Variants in CNOT6 observed in about 807,000 individuals in gnomAD.
CNOT6 encodes carbon catabolite repression 4 protein.
CNOT6 carries 12 observed loss-of-function variants against 61.2 expected under a neutral mutation model. The observed-to-expected ratio is 0.20, with a 90% CI of 0.13 to 0.32. The LOEUF is 0.32. Ranked by LOEUF, CNOT6 falls within the 10% of genes least tolerant of loss-of-function variation. CNOT6 has a pLI of 1.00. For synonymous variants in CNOT6, 225 were observed against 240.6 expected, an observed-to-expected ratio of 0.94 and a Z score of 0.60; for missense variants, 405 against 663.9, an observed-to-expected ratio of 0.61 and a Z score of 4.28.
chr5:180,503,601 CTTTTT>C (rs56187510), intron 1 of CNOT6, among the ~76,000 whole-genome samples: 3 of 66,136 alleles, frequency 4.5e-5, no homozygotes, highest in African/African-American at 1.9e-4. Flanking sequence ...GCCCTACTTC[CTTTTT>C]TTTTTTTTTT....
At position 180,503,351 on chromosome 5, in the gene CNOT6, C is replaced by T. The variant is rs1051895114; in HGVS notation, c.-3+8588C>T. Among the ~76,000 whole-genome samples, 11 of 151,076 alleles carry T rather than the reference C, an allele frequency of 7.3e-5. No individual in the cohort carries two copies. In the South Asian group the frequency reaches 1.5e-3, roughly 20 times the overall value. On this transcript the variant is annotated intron_variant, in intron 1 of 11. Coordinates refer to ENST00000261951, the MANE Select transcript of CNOT6 (RefSeq NM_001370472.1). ...CAATCTCGGCTCACTGCAACCTCTG[C>T]CTCCTGGGTTCAAGCGATTCTCCAG...
chr5:180,569,429 C>A, intron 10 of CNOT6, 89 bp downstream of exon 10: 2 of 1,102,018 alleles, frequency 1.8e-6, no homozygotes, highest in South Asian at 1.5e-5. Flanking sequence ...AAATTAAGTC[C>A]AAATAAAAAT....
In CNOT6 at chr5:180,577,080, C is replaced by T. The variant is rs1198394233; in HGVS notation, c.*2880C>T. On this transcript the variant is annotated 3_prime_UTR_variant, in exon 12 of 12. Transcript: ENST00000261951. ...TATTGTTCGTCAAGTTAACTTATGG[C>T]ATAATTTAAGCTAAAGTTGTAGAAA... 1 of 152,082 alleles carries T rather than the reference C, an allele frequency of 6.6e-6. No homozygotes were observed. The highest frequency in any genetic ancestry group is 1.5e-5 in the Non-Finnish European group (1 of 67,974). The allele number at this position is 152,082 out of a possible 1,614,324, so 9.4% of individuals were successfully genotyped here. A position where few individuals can be genotyped will look rare whatever the true frequency, so the allele number is the denominator to read the frequency against.
intron 2 of CNOT6, among the ~76,000 whole-genome samples, chr5:180,539,950 A>G (rs895610773): frequency 1.3e-5 from 2 of 152,158 alleles, no homozygotes; most frequent in African/African-American, 4.8e-5. Flanking sequence ...GGGTAGTTGT[A>G]CTAATGTCTG....
chr5:180,529,715 G>T (rs971890253), intron 2 of CNOT6, among the ~76,000 whole-genome samples: 2 of 152,146 alleles, frequency 1.3e-5, no homozygotes, highest in African/African-American at 4.8e-5. Flanking sequence ...ATTTGTTCTG[G>T]TATTTGATTC....
At chr5:180,544,908 A>T (rs1445169897) in intron 2 of CNOT6, among the ~76,000 whole-genome samples, 1 of 152,208 alleles carries the variant, frequency 6.6e-6, no homozygotes, top group Non-Finnish European at 1.5e-5. Flanking sequence ...ACTGTGAGCT[A>T]TGAGCAAGCA....
chr5:180,528,537 A>G (rs910269116), intron 1 of CNOT6, among the ~76,000 whole-genome samples: 116 of 152,002 alleles, frequency 7.6e-4, no homozygotes, highest in African/African-American at 2.7e-3. Context: ...GGATGGTCTC[A>G]ATCTCCTGAC....
intron 2 of CNOT6, among the ~76,000 whole-genome samples, chr5:180,542,304 G>A (rs529900333): frequency 2.4e-4 from 36 of 150,078 alleles, no homozygotes; most frequent in South Asian, 6.3e-4. Context: ...TCGCTCTGTC[G>A]CCCAGGCTGG....
At chr5:180,547,422 A>T (rs1759367610) in intron 2 of CNOT6, among the ~76,000 whole-genome samples, 1 of 152,058 alleles carries the variant, frequency 6.6e-6, no homozygotes, top group South Asian at 2.1e-4. Context: ...CAGGAGGCTG[A>T]GGCAGGAGAA....
chr5:180,515,550 G>C (rs1757594212), intron 1 of CNOT6, among the ~76,000 whole-genome samples: 1 of 152,158 alleles, frequency 6.6e-6, no homozygotes, highest in South Asian at 2.1e-4. Flanking sequence ...GGCATGAGCA[G>C]GTGCATATGA....
intron 1 of CNOT6, among the ~76,000 whole-genome samples, chr5:180,510,559 C>G (rs560441957): frequency 5.9e-5 from 9 of 151,794 alleles, no homozygotes; most frequent in Admixed American, 5.9e-4. Flanking sequence ...AAACAGCAGG[C>G]GAATATATTA....
intron 4 of CNOT6, among the ~76,000 whole-genome samples, chr5:180,559,880 T>C (rs947328139): frequency 2.6e-5 from 4 of 152,194 alleles, no homozygotes; most frequent in Admixed American, 1.3e-4. Flanking sequence ...TTACATCCTT[T>C]TATTCACTGC....
At chr5:180,495,916 T>A (rs748808428) in intron 1 of CNOT6, among the ~76,000 whole-genome samples, 1 of 152,160 alleles carries the variant, frequency 6.6e-6, no homozygotes, top group Non-Finnish European at 1.5e-5. Context: ...TTATTTAATT[T>A]ATTTATTGTT....
At chr5:180,515,794 C>G (rs1374234192) in intron 1 of CNOT6, among the ~76,000 whole-genome samples, 4 of 152,030 alleles carry the variant, frequency 2.6e-5, no homozygotes, top group Non-Finnish European at 5.9e-5. Context: ...TCCTCTGTTG[C>G]TCTTTGTTTT....
intron 2 of CNOT6, among the ~76,000 whole-genome samples, chr5:180,540,694 C>A (rs1265432801): frequency 6.6e-6 from 1 of 152,186 alleles, no homozygotes; most frequent in Non-Finnish European, 1.5e-5. Context: ...ACATTTTAAA[C>A]TTACAATGTT....
chr5:180,570,906 C>G (rs1760717212), intron 10 of CNOT6, among the ~76,000 whole-genome samples: 1 of 152,152 alleles, frequency 6.6e-6, no homozygotes, highest in African/African-American at 2.4e-5. Context: ...GTGGTGTTAT[C>G]TTTAATTCTT....
intron 1 of CNOT6, among the ~76,000 whole-genome samples, chr5:180,512,714 A>G (rs914078938): frequency 1.3e-5 from 2 of 152,176 alleles, no homozygotes; most frequent in Non-Finnish European, 2.9e-5. Flanking sequence ...CTCCTGCCTC[A>G]GCCTCCCGAG....
intron 1 of CNOT6, among the ~76,000 whole-genome samples, chr5:180,502,492 C>T (rs1756908185): frequency 6.6e-6 from 1 of 152,202 alleles, no homozygotes; most frequent in African/African-American, 2.4e-5. Flanking sequence ...TAGGTTTGCA[C>T]TTATGTTGTG....
chr5:180,498,096 C>G (rs1245736673), intron 1 of CNOT6, among the ~76,000 whole-genome samples: 1 of 151,534 alleles, frequency 6.6e-6, no homozygotes, highest in Non-Finnish European at 1.5e-5. Context: ...GTATGCATAG[C>G]TGGGGTACAT....
Sources: gnomAD v4.1 joint callset for allele counts (sites outside exome capture counted in the v4.1 genomes callset) on GRCh38, gnomAD v4.1.1 for gene constraint, MANE v1.5 for transcripts, NCBI Gene and HGNC (gene_info 2026-07-23, HGNC 2026-07-21) for gene names.